The following RPP40 variants were observed in gnomAD, a reference collection of about 807,000 sequenced individuals.
The protein encoded by RPP40 is ribonuclease P protein subunit p40.
In RPP40, 30 loss-of-function variants were observed where a neutral mutation model predicts 42.5. The observed-to-expected ratio is 0.71, with a 90% CI of 0.53 to 0.96. The LOEUF (loss-of-function observed/expected upper bound fraction) is 0.96, where lower values mean the gene tolerates loss of function less well. Ranked by LOEUF, RPP40 falls within the 40% of genes least tolerant of loss-of-function variation. The pLI is 0.00. For missense variants in RPP40, 426 were observed against 433.5 expected (o/e 0.98, Z 0.15); for synonymous variants, 173 against 164.0 (o/e 1.05, Z -0.42).
chr6:4,999,982 T>A (rs1759501830), intron 3 of RPP40, 78 bp from the exon 4 acceptor site: 2 of 827,068 alleles, frequency 2.4e-6, no homozygotes. Flanking sequence ...GCAAGGCAAA[T>A]TGAGCAGTTA....
chr6:4,999,303 T>G (rs1474612110), intron 4 of RPP40, among the ~76,000 whole-genome samples: 1 of 133,352 alleles, frequency 7.5e-6, no homozygotes, highest in East Asian at 2.0e-4. Context: ...TTTTTTTTTT[T>G]TTTTTTTTTT....
chr6:4,995,879 A>G, intron 7 of RPP40, 72 bp downstream of exon 7: 1 of 1,469,832 alleles, frequency 6.8e-7, no homozygotes, highest in Non-Finnish European at 9.2e-7. Context: ...CCCAAAATGA[A>G]AAAATCTATA....
At chr6:5,000,192 T>G (rs1759506653) in intron 3 of RPP40, among the ~76,000 whole-genome samples, 1 of 152,170 alleles carries the variant, frequency 6.6e-6, no homozygotes, top group African/African-American at 2.4e-5. Flanking sequence ...CTTTTGAATA[T>G]CTTCTTTTTT....
intron 3 of RPP40, 46 bp from the exon 4 acceptor site, chr6:4,999,950 T>TA (rs1188379366): frequency 4.2e-6 from 5 of 1,177,158 alleles, no homozygotes; most frequent in Non-Finnish European, 6.3e-6. Context: ...AACTAGAACT[T>TA]ACGTTGTCTG....
intron 5 of RPP40, among the ~76,000 whole-genome samples, chr6:4,998,252 C>T (rs954835286): frequency 6.6e-6 from 1 of 152,200 alleles, no homozygotes; most frequent in African/African-American, 2.4e-5. Flanking sequence ...TGGTGAATAG[C>T]AAACTTTGAA....
chr6:5,003,788 G>GC, intron 1 of RPP40, 92 bp downstream of exon 1: 1 of 1,423,748 alleles, frequency 7.0e-7, no homozygotes, highest in Non-Finnish European at 9.3e-7. Flanking sequence ...ACCGCCGGCG[G>GC]CCCCGCCCCG....
chr6:4,993,562 T>TA (rs796792124), downstream of RPP40, among the ~76,000 whole-genome samples: 21 of 152,328 alleles, frequency 1.4e-4, no homozygotes, highest in African/African-American at 5.1e-4. Flanking sequence ...TCTATGAACT[T>TA]ACATTCCTTG....
rs766464032 is a variant in RPP40 at position 4,994,896 on chromosome 6, A to G, written c.*182T>C. ...GAGAGAAATCAACTATGAGCTATTC[A>G]CTGGACAGCAGGCCTTGCTGCCATC... is the stretch of plus-strand genomic sequence containing the variant. On this transcript the variant is annotated 3_prime_UTR_variant, in exon 8 of 8. Transcript: ENST00000380051. 4 of 604,640 alleles carry G rather than the reference A, an allele frequency of 6.6e-6. No individual in the cohort carries two copies. The highest frequency in any genetic ancestry group is 1.2e-5 in the Non-Finnish European group (4 of 343,966). The allele number at this position is 604,640 out of a possible 1,614,324, so 37.5% of individuals were successfully genotyped here.
rs146985750 is a variant in RPP40, at chr6:4,998,628, T to G, written c.559+88A>C. On this transcript the variant is annotated intron_variant, in intron 5 of 7. Transcript: ENST00000380051. Reference sequence around the variant, plus strand: ...TATAGAATATTCCTTGACTAAAGAGTGAATCACCATTCAATCCTCCATTAC... The same window carrying G: ...TATAGAATATTCCTTGACTAAAGAGGGAATCACCATTCAATCCTCCATTAC... 7.0e-6 allele frequency: 6 copies of G among 859,330 alleles called. No homozygotes were observed. The Admixed American group carries it at 1.9e-4, about 28-fold the overall frequency. 53.2% of individuals were successfully genotyped at this position (859,330 alleles called of 1,614,324 possible).
At position 4,996,051 on chromosome 6, in the gene RPP40, A is replaced by T; in HGVS notation, c.793T>A (p.Cys265Ser). 3 of 1,614,160 alleles carry T rather than the reference A, an allele frequency of 1.9e-6. No homozygotes were observed. The highest frequency in any genetic ancestry group is 1.7e-6 in the Non-Finnish European group (2 of 1,179,980). Residue 265 changes from cysteine (C) to serine (S), a missense_variant, in exon 7 of 8, where the codon TGC becomes AGC. Transcript: ENST00000380051. ...ACCACTGTGCTTGGCTCAGGACAGCAATAGGTTGATATGAAATTATTAGGC... is the reference window on the plus strand; with the variant it reads ...ACCACTGTGCTTGGCTCAGGACAGCTATAGGTTGATATGAAATTATTAGGC... ...NEPNNFISTYCCPEPSTVVAK... is the reference protein window; with the variant it reads ...NEPNNFISTYSCPEPSTVVAK...
At chr6:4,997,793 G>C (rs1237613959) in intron 5 of RPP40, among the ~76,000 whole-genome samples, 1 of 152,150 alleles carries the variant, frequency 6.6e-6, no homozygotes, top group East Asian at 1.9e-4. Context: ...CAGCATCCCT[G>C]AGACTGTAGC....
intron 5 of RPP40, among the ~76,000 whole-genome samples, chr6:4,998,182 T>A (rs2764105): frequency 6.6e-6 from 1 of 152,136 alleles, no homozygotes; most frequent in African/African-American, 2.4e-5. Flanking sequence ...ATTATCTGGG[T>A]CAAAGATACA....
At chr6:4,992,190 A>G (rs1018342990), downstream of RPP40, among the ~76,000 whole-genome samples, 1 of 151,820 alleles carries the variant, frequency 6.6e-6, no homozygotes, top group African/African-American at 2.4e-5. Flanking sequence ...AGAAAAACAA[A>G]CAAAAACAAA....
At chr6:4,996,875 A>G (rs1170165222) in intron 5 of RPP40, among the ~76,000 whole-genome samples, 1 of 152,218 alleles carries the variant, frequency 6.6e-6, no homozygotes, top group Non-Finnish European at 1.5e-5. Context: ...GTATCTTTTC[A>G]GGGATGTTTG....
chr6:4,989,180 C>T, the RPP40 span, among the ~76,000 whole-genome samples: 1 of 151,014 alleles, frequency 6.6e-6, no homozygotes, highest in Non-Finnish European at 1.5e-5. Context: ...CTGTTGATGT[C>T]TTTCCTTCAT....
chr6:4,996,160 C>A lies in RPP40; in HGVS notation c.758+62G>T, dbSNP rs370298403. 1.7e-5 allele frequency: 28 copies of A among 1,605,556 alleles called. 1 individual carries two copies. The South Asian group carries it at 3.0e-4, about 17-fold the overall frequency. ...ACATGATCACTTCCAAAGTATTAAA[C>A]TCCTATTAAAAACAAGCAGCAGGCC... On this transcript the variant is annotated intron_variant, in intron 6 of 7. Transcript: ENST00000380051.
chr6:4,996,602 G>A (rs1438860139), intron 5 of RPP40, among the ~76,000 whole-genome samples, 182 bp from the exon 6 acceptor site: 3 of 152,164 alleles, frequency 2.0e-5, no homozygotes, highest in Non-Finnish European at 4.4e-5. Context: ...CTCAAGTTCT[G>A]TAAACGTTCA....
intron 7 of RPP40, 25 bp from the exon 8 acceptor site, chr6:4,995,301 A>T (rs373844439): frequency 1.3e-6 from 2 of 1,561,342 alleles, no homozygotes; most frequent in African/African-American, 2.7e-5. Context: ...GTTGTTAAAC[A>T]GAGTTTTAAA....
chr6:4,992,059 C>T (rs1193240314), downstream of RPP40, among the ~76,000 whole-genome samples: 1 of 152,098 alleles, frequency 6.6e-6, no homozygotes. Context: ...CCAATTAGGC[C>T]AGGTGTGGTG....
Sources: allele counts gnomAD v4.1 joint callset (sites outside exome capture counted in the v4.1 genomes callset), GRCh38; gene constraint gnomAD v4.1.1; transcripts MANE v1.5; gene names NCBI Gene and HGNC (gene_info 2026-07-23, HGNC 2026-07-21).